The following TGFBI variants were observed in gnomAD, a reference collection of about 807,000 sequenced individuals.
TGFBI encodes transforming growth factor-beta-induced protein ig-h3.
In TGFBI, 50 loss-of-function variants were observed where a neutral mutation model predicts 73.7. That is an observed-to-expected ratio of 0.68 (90% confidence interval 0.54 to 0.86). The LOEUF is 0.86. Among genes scored for constraint, TGFBI ranks in the 40% least tolerant of loss-of-function variants. The pLI is 0.00. For missense variants in TGFBI, 839 were observed against 877.0 expected, an observed-to-expected ratio of 0.96 and a Z score of 0.55; for synonymous variants, 362 against 360.5, an observed-to-expected ratio of 1.00 and a Z score of -0.05.
intron 2 of TGFBI, 99 bp from the exon 3 acceptor site, chr5:136,043,959 C>T (rs1286140615): frequency 2.1e-6 from 2 of 957,692 alleles, no homozygotes; most frequent in African/African-American, 1.6e-5. Flanking sequence ...CACCATTCCT[C>T]TTCCTTGGCT....
chr5:136,029,473 C>G (rs1006253703), intron 1 of TGFBI, among the ~76,000 whole-genome samples: 4 of 152,206 alleles, frequency 2.6e-5, no homozygotes, highest in African/African-American at 9.6e-5. Flanking sequence ...AGACGGACAG[C>G]GCTTTCAGCT....
At position 136,056,741 on chromosome 5, in the gene TGFBI, C is replaced by T; in HGVS notation, c.1624C>T (p.Pro542Ser). 1 of 1,613,950 alleles carries T rather than the reference C, an allele frequency of 6.2e-7. No individual in the cohort carries two copies. Among genetic ancestry groups the T allele is most frequent in the Non-Finnish European group, 8.5e-7 (1 of 1,179,876 alleles). ...NREGVYTVFAPTNEAFRALPP... is the reference protein window; with the variant it reads ...NREGVYTVFASTNEAFRALPP... Reference sequence around the variant, plus strand: ...GGAAGGAGTCTACACAGTCTTTGCTCCCACAAATGAAGCCTTCCGAGCCCT... The same window carrying T: ...GGAAGGAGTCTACACAGTCTTTGCTTCCACAAATGAAGCCTTCCGAGCCCT... Residue 542 changes from proline to serine, a missense_variant, in exon 12 of 17, where the codon CCC becomes TCC. Transcript: ENST00000442011.
At chr5:136,049,715 G>A in intron 7 of TGFBI, 135 bp downstream of exon 7, 1 of 1,060,694 alleles carries the variant, frequency 9.4e-7, no homozygotes, top group Non-Finnish European at 1.4e-6. Context: ...ATGGGCTGGG[G>A]TCATCCTGTC....
chr5:136,053,878 G>A (rs1020443747), intron 8 of TGFBI, 65 bp from the exon 9 acceptor site: 1 of 1,602,760 alleles, frequency 6.2e-7, no homozygotes. Flanking sequence ...CATGCCCTGG[G>A]GTGGATGAAT....
At chr5:136,040,212 A>G (rs1027506439) in intron 2 of TGFBI, among the ~76,000 whole-genome samples, 1 of 152,136 alleles carries the variant, frequency 6.6e-6, no homozygotes, top group Non-Finnish European at 1.5e-5. Context: ...AGCCTCCCAG[A>G]CATCCCTACA....
intron 1 of TGFBI, 105 bp downstream of exon 1, chr5:136,029,294 GC>G: frequency 7.8e-7 from 1 of 1,289,040 alleles, no homozygotes; most frequent in South Asian, 1.8e-5. Flanking sequence ...AGGGGACAAA[GC>G]CCGAACTAAA....
chr5:136,053,180 T>C (rs369852047), intron 8 of TGFBI, 61 bp downstream of exon 8: 3 of 1,517,992 alleles, frequency 2.0e-6, no homozygotes. Context: ...TGCCATCCTT[T>C]GTGGCGGGGG....
chr5:136,060,758 G>T (rs896352450), intron 13 of TGFBI, 76 bp from the exon 14 acceptor site: 4 of 1,158,738 alleles, frequency 3.5e-6, no homozygotes, highest in Non-Finnish European at 4.8e-6. Flanking sequence ...GTAAACACTT[G>T]CTGAATGAAT....
chr5:136,047,579 C>A, intron 6 of TGFBI, 159 bp downstream of exon 6: 1 of 837,816 alleles, frequency 1.2e-6, no homozygotes, highest in Non-Finnish European at 1.9e-6. Context: ...AATTCATTGA[C>A]CAGACATTCA....
At chr5:136,040,893 G>A (rs1451396094) in intron 2 of TGFBI, among the ~76,000 whole-genome samples, 1 of 152,180 alleles carries the variant, frequency 6.6e-6, no homozygotes, top group Non-Finnish European at 1.5e-5. Flanking sequence ...TCCAACCACA[G>A]CATCTATGTT....
chr5:136,054,758 G>A lies in TGFBI; in HGVS notation c.1307G>A (p.Arg436Gln), dbSNP rs762959190. The A allele has an allele frequency of 1.7e-5, 27 of 1,613,736 alleles. No homozygotes were observed. Among genetic ancestry groups the A allele is most frequent in the East Asian group, 6.7e-5 (3 of 44,880 alleles). ...GATGCCCATACAAGGAATTTGCTTCGGAACCACATAATTAAAGACCAGCTG... is the reference window on the plus strand; with the variant it reads ...GATGCCCATACAAGGAATTTGCTTCAGAACCACATAATTAAAGACCAGCTG... The part of the protein sequence containing the change: ...PIDAHTRNLL[R>Q]NHIIKDQLAS... The change falls in exon 10 of 17, where the codon CGG becomes CAG. Residue 436 changes from arginine to glutamine, a missense_variant. Transcript: ENST00000442011.
At chr5:136,062,316 C>A (rs1347535498) in intron 15 of TGFBI, among the ~76,000 whole-genome samples, 1 of 152,134 alleles carries the variant, frequency 6.6e-6, no homozygotes, top group African/African-American at 2.4e-5. Context: ...ACAGGGGTCT[C>A]CTTAGTGCCC....
intron 13 of TGFBI, 81 bp from the exon 14 acceptor site, chr5:136,060,753 C>A: frequency 9.0e-7 from 1 of 1,111,598 alleles, no homozygotes; most frequent in South Asian, 1.8e-5. Context: ...GTTCAGTAAA[C>A]ACTTGCTGAA....
At chr5:136,061,158 G>C (rs910729284) in intron 14 of TGFBI, 3 of 585,392 alleles carry the variant, frequency 5.1e-6, no homozygotes, top group Non-Finnish European at 9.2e-6. Context: ...GAGTTGCCCA[G>C]CTATATTAGC....
At chr5:136,054,451 G>A (rs951685728) in intron 9 of TGFBI, among the ~76,000 whole-genome samples, 3 of 152,196 alleles carry the variant, frequency 2.0e-5, no homozygotes, top group African/African-American at 7.2e-5. Context: ...TGCAGCCCCA[G>A]GAAGGCAGAG....
intron 2 of TGFBI, among the ~76,000 whole-genome samples, chr5:136,043,662 G>A (rs1191120752): frequency 6.6e-6 from 1 of 152,242 alleles, no homozygotes; most frequent in Non-Finnish European, 1.5e-5. Flanking sequence ...AAGACTCAGA[G>A]CCAGAGCTGG....
intron 7 of TGFBI, among the ~76,000 whole-genome samples, chr5:136,050,497 G>T (rs1006515031): frequency 2.0e-5 from 3 of 152,154 alleles, no homozygotes; most frequent in Non-Finnish European, 4.4e-5. Flanking sequence ...TCCTTTTGGA[G>T]ATGAGAAAGG....
chr5:136,029,411 A>G (rs547823510), intron 1 of TGFBI, among the ~76,000 whole-genome samples: 16 of 152,280 alleles, frequency 1.1e-4, no homozygotes, highest in Admixed American at 8.5e-4. Flanking sequence ...GCCGCTTTGT[A>G]GAAGGGAGTG....
In TGFBI at chr5:136,049,493, A is replaced by T. The variant is rs1218263505; in HGVS notation, c.826A>T (p.Thr276Ser). The T allele has an allele frequency of 6.2e-7, 1 of 1,614,012 alleles. No individual in the cohort carries two copies. The highest frequency in any genetic ancestry group is 2.2e-5 in the East Asian group (1 of 44,874). The change falls in exon 7 of 17, where the codon ACG becomes TCG. Residue 276 changes from threonine (T) to serine (S), a missense_variant. By Grantham distance (58) the Thr-to-Ser change is moderately conservative. Transcript: ENST00000442011. ...NTMLEGNGQYTLLAPTNEAFE... is the reference protein window; with the variant it reads ...NTMLEGNGQYSLLAPTNEAFE... ...GATGCTTGAAGGTAACGGCCAGTAC[A>T]CGCTTTTGGCCCCGACCAATGAGGC...
Sources: allele counts gnomAD v4.1 joint callset (sites outside exome capture counted in the v4.1 genomes callset), GRCh38; gene constraint gnomAD v4.1.1; transcripts MANE v1.5; gene names NCBI Gene and HGNC (gene_info 2026-07-23, HGNC 2026-07-21).